The following MYOCD variants were observed in gnomAD, a reference collection of about 807,000 sequenced individuals.
MYOCD encodes the protein myocardin.
Under a neutral mutation model 96.1 loss-of-function variants are expected in MYOCD, and 32 were observed. The observed-to-expected ratio is 0.33, with a 90% confidence interval of 0.25 to 0.45. MYOCD has a LOEUF of 0.45. MYOCD is among the 20% of genes least tolerant of loss of function. The probability of loss-of-function intolerance (pLI) is 1.00; values close to 1 mark genes in which losing one functional copy is unlikely to be tolerated. For missense variants in MYOCD, 1,133 were observed against 1,200.6 expected (o/e 0.94, Z 0.83); for synonymous variants, 469 against 469.0 (o/e 1.00, Z 0.00).
intron 7 of MYOCD, among the ~76,000 whole-genome samples, chr17:12,739,987 A>G (rs892970815): frequency 3.3e-5 from 5 of 151,796 alleles, no homozygotes; most frequent in Non-Finnish European, 7.4e-5. Context: ...CCAGGTTGGA[A>G]TACAGTGGCG....
intron 4 of MYOCD, 43 bp downstream of exon 4, chr17:12,717,464 G>A: frequency 4.0e-6 from 6 of 1,499,412 alleles, no homozygotes; most frequent in Non-Finnish European, 5.6e-6. Flanking sequence ...GCTGCAGAAT[G>A]GTGGGCCATT....
intron 1 of MYOCD, among the ~76,000 whole-genome samples, chr17:12,666,770 G>C (rs1909402381): frequency 6.6e-6 from 1 of 152,032 alleles, no homozygotes; most frequent in Non-Finnish European, 1.5e-5. Context: ...AAAAAAGAAA[G>C]CCCAGTGCCA....
At chr17:12,685,516 G>C (rs1182397811) in intron 1 of MYOCD, among the ~76,000 whole-genome samples, 4 of 151,240 alleles carry the variant, frequency 2.6e-5, no homozygotes, top group African/African-American at 9.7e-5. Flanking sequence ...TGCGGCAGGA[G>C]AATCACTTGA....
chr17:12,753,062 A>G lies in MYOCD; in HGVS notation c.1774A>G (p.Ser592Gly), dbSNP rs748136721. 1.9e-5 allele frequency: 30 copies of G among 1,614,094 alleles called. 1 individual carries two copies. In the South Asian group the frequency reaches 3.0e-4, roughly 16 times the overall value. ...CCAAGTACCTGTGAAAAGACAAAGC[A>G]GCAGCTCAGAGTGTCACCCACCGGC... Reference protein sequence around the residue: ...ASQVPVKRQSSSSECHPPACE... With the variant: ...ASQVPVKRQSGSSECHPPACE... Residue 592 changes from serine (S) to glycine (G), a missense_variant, in exon 10 of 14, where the codon AGC (serine) becomes GGC (glycine). Transcript: ENST00000425538.
Position 12,744,434 on chromosome 17 carries a change from T to C in MYOCD, c.969T>C (p.Leu323=). The change falls in exon 8 of 14, where the codon CTT becomes CTC. Residue 323 remains leucine, a splice_region_variant and synonymous_variant. Coordinates refer to ENST00000425538, the MANE Select transcript of MYOCD (RefSeq NM_001146312.3). ...ACCTAGGGATGCACCAAGCTCAGCT[T>C]AAGTAAGTCCGGCAAGGCTGGGAGG... ...FSYLGMHQAQ[L]KEPNEQMVRN... The C allele has an allele frequency of 6.2e-7, 1 of 1,607,666 alleles. No individual in the cohort carries two copies. The highest frequency in any genetic ancestry group is 8.5e-7 in the Non-Finnish European group (1 of 1,176,662).
intron 2 of MYOCD, among the ~76,000 whole-genome samples, chr17:12,712,145 G>A (rs1298308616): frequency 2.6e-5 from 4 of 152,034 alleles, no homozygotes; most frequent in Non-Finnish European, 1.5e-5. Flanking sequence ...ACAGGTGTGA[G>A]CCACCACACC....
intron 4 of MYOCD, among the ~76,000 whole-genome samples, chr17:12,719,645 G>A (rs574429481): frequency 2.0e-5 from 3 of 148,818 alleles, no homozygotes; most frequent in Admixed American, 6.7e-5. Flanking sequence ...CTGAGGTCAG[G>A]AGTTTGAGAC....
intron 1 of MYOCD, among the ~76,000 whole-genome samples, chr17:12,702,994 C>A (rs1484435050): frequency 6.6e-6 from 1 of 151,864 alleles, no homozygotes; most frequent in Non-Finnish European, 1.5e-5. Context: ...TCTGTGTTAT[C>A]TTCTGGTATC....
Position 12,767,145 on chromosome 17 carries a change from A to G in MYOCD, c.*3501A>G, listed in dbSNP as rs556775807. ...TTCTCAGTTCAGCTGTCACATTATGAGAAGTAAATCAGAATTTTTTTAAGG... is the reference window on the plus strand; with the variant it reads ...TTCTCAGTTCAGCTGTCACATTATGGGAAGTAAATCAGAATTTTTTTAAGG... On this transcript the variant is annotated 3_prime_UTR_variant, in exon 14 of 14. Transcript: ENST00000425538. The G allele has an allele frequency of 3.3e-5, 5 of 152,334 alleles. No homozygotes were observed. Among genetic ancestry groups the G allele is most frequent in the Admixed American group, 3.3e-4 (5 of 15,292 alleles). 9.4% of individuals were successfully genotyped at this position (152,334 alleles called of 1,614,324 possible). A position where few individuals can be genotyped will look rare whatever the true frequency, so the allele number is the denominator to read the frequency against.
At chr17:12,691,948 T>A (rs1165962636) in intron 1 of MYOCD, among the ~76,000 whole-genome samples, 1 of 152,218 alleles carries the variant, frequency 6.6e-6, no homozygotes, top group African/African-American at 2.4e-5. Flanking sequence ...TCCCCAAGAC[T>A]GGCACTTTTC....
At chr17:12,754,256 C>G (rs2150721735) in intron 10 of MYOCD, among the ~76,000 whole-genome samples, 1 of 152,200 alleles carries the variant, frequency 6.6e-6, no homozygotes, top group African/African-American at 2.4e-5. Flanking sequence ...AGGCGCACAC[C>G]ACCATGCCTG....
At position 12,753,235 on chromosome 17, in the gene MYOCD, C is replaced by G. The variant is rs746649561; in HGVS notation, c.1947C>G (p.Ile649Met). 9.3e-6 allele frequency: 15 copies of G among 1,614,192 alleles called. No homozygotes were observed. The South Asian group carries it at 1.6e-4, about 18-fold the overall frequency. Residue 649 changes from isoleucine (I) to methionine (M), a missense_variant, in exon 10 of 14, where the codon ATC becomes ATG. Coordinates refer to ENST00000425538, the MANE Select transcript of MYOCD (RefSeq NM_001146312.3). ...PLGAVKSPQH[I>M]SLPPSPNNPH... ...GGGCTGTGAAAAGCCCACAGCACAT[C>G]AGTTTGCCCCCATCACCCAACAACC...
chr17:12,733,497 A>T (rs547189855), intron 5 of MYOCD, among the ~76,000 whole-genome samples: 1 of 152,292 alleles, frequency 6.6e-6, no homozygotes, highest in African/African-American at 2.4e-5. Flanking sequence ...TGAGATTCCA[A>T]CGGCTGATAC....
chr17:12,719,254 T>C (rs1010280987), intron 4 of MYOCD, among the ~76,000 whole-genome samples: 7 of 144,952 alleles, frequency 4.8e-5, no homozygotes, highest in Admixed American at 3.5e-4. Context: ...ATAAGTATCA[T>C]GTGTGGCAAG....
intron 9 of MYOCD, among the ~76,000 whole-genome samples, chr17:12,748,173 A>C (rs1379346700): frequency 5.3e-5 from 8 of 150,108 alleles, no homozygotes; most frequent in East Asian, 1.9e-4. Flanking sequence ...AAAAAAAAAA[A>C]AAAAACAAAA....
Position 12,717,400 on chromosome 17 carries a change from G to A in MYOCD, c.232G>A (p.Val78Ile), listed in dbSNP as rs760467742. The change falls in exon 4 of 14, where the codon GTT (valine) becomes ATT (isoleucine). Residue 78 changes from valine to isoleucine, a missense_variant. Transcript: ENST00000425538. ...AAACAGGTGCAACAGTGCCGACTTG[G>A]TTAATATGCACATACTCCAAGGTAA... ...ARNRCNSADL[V>I]NMHILQASTA... is the part of the protein sequence containing the mutation. The A allele has an allele frequency of 6.2e-7, 1 of 1,613,936 alleles. No homozygotes were observed. Among genetic ancestry groups the A allele is most frequent in the African/African-American group, 1.3e-5 (1 of 75,044 alleles).
Position 12,716,985 on chromosome 17 carries a change from C to CAA in MYOCD, c.178-327_178-326dup, listed in dbSNP as rs56992216. Among the ~76,000 whole-genome samples, 215 of 112,788 alleles carry CAA rather than the reference C, an allele frequency of 1.9e-3. 2 individuals carry two copies. Among genetic ancestry groups the CAA allele is most frequent in the Non-Finnish European group, 2.8e-3 (165 of 59,288 alleles). The allele number at this position is 112,788 out of a possible 152,430, so 74.0% of individuals were successfully genotyped here. On this transcript the variant is annotated intron_variant, in intron 3 of 13. Transcript: ENST00000425538. ...AGCCTGGATGACAGAGATGCTGTCT[C>CAA]AAAAAAAAAAAAAAAAAAAAAAAAA... is the stretch of plus-strand genomic sequence containing the variant.
chr17:12,677,802 G>C (rs1174346219), intron 1 of MYOCD, among the ~76,000 whole-genome samples: 2 of 151,494 alleles, frequency 1.3e-5, no homozygotes, highest in African/African-American at 4.9e-5. Flanking sequence ...GTTATTATAA[G>C]ATATCATATT....
At chr17:12,669,675 G>A (rs1909583494) in intron 1 of MYOCD, among the ~76,000 whole-genome samples, 1 of 151,926 alleles carries the variant, frequency 6.6e-6, no homozygotes, top group African/African-American at 2.4e-5. Context: ...CTGGAGTGCA[G>A]TGTCACGATC....
Sources: gnomAD v4.1 joint callset for allele counts (sites outside exome capture counted in the v4.1 genomes callset) on GRCh38, gnomAD v4.1.1 for gene constraint, MANE v1.5 for transcripts, NCBI Gene and HGNC (gene_info 2026-07-23, HGNC 2026-07-21) for gene names.